The following RBMS1 variants were observed in gnomAD, a reference collection of about 807,000 sequenced individuals.
The protein encoded by RBMS1 is RNA binding motif single stranded interacting protein 1, also known as RNA-binding motif, single-stranded-interacting protein 1.
In RBMS1, 17 loss-of-function variants were observed where a neutral mutation model predicts 62.3. The observed-to-expected ratio is 0.27, with a 90% CI of 0.19 to 0.41. The LOEUF (loss-of-function observed/expected upper bound fraction) is 0.41, where lower values mean the gene tolerates loss of function less well. RBMS1 is among the 10% of genes least tolerant of loss of function. The probability of loss-of-function intolerance (pLI) is 1.00; values close to 1 mark genes in which losing one functional copy is unlikely to be tolerated. For synonymous variants in RBMS1, 172 were observed against 170.0 expected (o/e 1.01, Z -0.09); for missense variants, 334 against 504.5 (o/e 0.66, Z 3.24).
chr2:160,403,309 C>T (rs1216444147), intron 1 of RBMS1, among the ~76,000 whole-genome samples: 1 of 152,230 alleles, frequency 6.6e-6, no homozygotes, highest in Non-Finnish European at 1.5e-5. Context: ...AAGACGTTTA[C>T]TTTCTTTAAA....
At chr2:160,426,258 A>AAAGG (rs1682578946) in intron 1 of RBMS1, among the ~76,000 whole-genome samples, 2 of 124,992 alleles carry the variant, frequency 1.6e-5, no homozygotes, top group Admixed American at 1.7e-4. Context: ...AGAAAGAAAG[A>AAAGG]AAGAAAGAAA....
At chr2:160,373,326 A>C (rs1190505647) in intron 1 of RBMS1, among the ~76,000 whole-genome samples, 1 of 152,140 alleles carries the variant, frequency 6.6e-6, no homozygotes, top group Non-Finnish European at 1.5e-5. Context: ...ATAAACCATC[A>C]TTTTCTTATG....
chr2:160,476,800 C>T (rs988235817), intron 1 of RBMS1, among the ~76,000 whole-genome samples: 35 of 151,990 alleles, frequency 2.3e-4, no homozygotes, highest in African/African-American at 8.0e-4. Context: ...GTGATCCGCC[C>T]GCCTCGGCCT....
chr2:160,467,047 G>A lies in RBMS1; in HGVS notation c.75+26242C>T, dbSNP rs1012085263. On this transcript the variant is annotated intron_variant, in intron 1 of 13. Coordinates refer to ENST00000348849, the MANE Select transcript of RBMS1 (RefSeq NM_016836.4). ...TTGTCTCTTTTCCCAAACAAGATGCGAATTATCCAGGGAGAGAGCATTAGG... is the reference window on the plus strand; with the variant it reads ...TTGTCTCTTTTCCCAAACAAGATGCAAATTATCCAGGGAGAGAGCATTAGG... Among the ~76,000 whole-genome samples, 13 of 152,224 alleles carry A rather than the reference G, an allele frequency of 8.5e-5. 1 individual carries two copies. Among genetic ancestry groups the A allele is most frequent in the East Asian group, 1.9e-4 (1 of 5,178 alleles).
intron 1 of RBMS1, among the ~76,000 whole-genome samples, chr2:160,429,762 T>C (rs1039878010): frequency 2.0e-5 from 3 of 152,234 alleles, no homozygotes; most frequent in Non-Finnish European, 2.9e-5. Context: ...ATAACTGTGG[T>C]AGACATTTCC....
chr2:160,424,364 T>A (rs866627311), intron 1 of RBMS1, among the ~76,000 whole-genome samples: 1 of 81,570 alleles, frequency 1.2e-5, no homozygotes. Context: ...AGGTGAGAGA[T>A]TGGGGGGGGG....
intron 1 of RBMS1, among the ~76,000 whole-genome samples, chr2:160,448,867 G>A (rs1683803744): frequency 2.6e-5 from 4 of 151,620 alleles, no homozygotes; most frequent in South Asian, 2.1e-4. Flanking sequence ...CTGCCTGGCC[G>A]CCCATCGTCT....
In RBMS1 at chr2:160,332,821, T is replaced by C. The variant is rs1401369670; in HGVS notation, c.252-14594A>G. Among the ~76,000 whole-genome samples the C allele has an allele frequency of 2.6e-5, 4 of 151,222 alleles. No homozygotes were observed. In the East Asian group the frequency reaches 7.7e-4, roughly 29 times the overall value. ...CATGGAACCAGAAAGCTTCTTTACA[T>C]GACATGGTTTTATATATATATATAA... On this transcript the variant is annotated intron_variant, in intron 2 of 13. Coordinates refer to ENST00000348849, the MANE Select transcript of RBMS1 (RefSeq NM_016836.4).
At chr2:160,320,240 G>A (rs765614013) in intron 2 of RBMS1, among the ~76,000 whole-genome samples, 3 of 152,166 alleles carry the variant, frequency 2.0e-5, no homozygotes, top group Non-Finnish European at 4.4e-5. Context: ...GGCCAAAGCC[G>A]GCGGATGGCT....
intron 1 of RBMS1, among the ~76,000 whole-genome samples, chr2:160,390,688 C>CAAAAAA (rs34478081): frequency 1.6e-5 from 1 of 60,628 alleles, no homozygotes. Flanking sequence ...GACCCAGTCT[C>CAAAAAA]AAAAAAAAAA....
At chr2:160,395,481 G>A (rs954555832) in intron 1 of RBMS1, among the ~76,000 whole-genome samples, 36 of 151,984 alleles carry the variant, frequency 2.4e-4, no homozygotes, top group African/African-American at 3.6e-4. Context: ...AAAATTAGCC[G>A]GGCGTGGTGG....
At chr2:160,381,240 T>A (rs112527794) in intron 1 of RBMS1, among the ~76,000 whole-genome samples, 1 of 152,170 alleles carries the variant, frequency 6.6e-6, no homozygotes, top group Non-Finnish European at 1.5e-5. Flanking sequence ...TTTCCCTTAA[T>A]AGGGGGATAG....
intron 1 of RBMS1, among the ~76,000 whole-genome samples, chr2:160,388,502 G>A (rs1288459060): frequency 2.6e-5 from 4 of 152,116 alleles, no homozygotes; most frequent in South Asian, 2.1e-4. Flanking sequence ...GCTACTCCAC[G>A]GGATTCCACA....
intron 6 of RBMS1, among the ~76,000 whole-genome samples, chr2:160,296,759 T>C (rs1688954397): frequency 6.6e-6 from 1 of 152,208 alleles, no homozygotes. Context: ...ATCTATTAAC[T>C]TCAGTGTGTA....
At chr2:160,493,138 C>T in intron 1 of RBMS1, 151 bp downstream of exon 1, 2 of 744,340 alleles carry the variant, frequency 2.7e-6, no homozygotes, top group Non-Finnish European at 4.2e-6. Context: ...CCGCCCGGCT[C>T]TGCCCAGGCC....
chr2:160,349,983 G>A (rs905119523), intron 2 of RBMS1, among the ~76,000 whole-genome samples: 2 of 151,952 alleles, frequency 1.3e-5, no homozygotes, highest in African/African-American at 4.8e-5. Context: ...ATCCAGGGGA[G>A]GAGCAGTGCA....
At chr2:160,380,339 C>T (rs1694217135) in intron 1 of RBMS1, among the ~76,000 whole-genome samples, 1 of 152,020 alleles carries the variant, frequency 6.6e-6, no homozygotes, top group Admixed American at 6.5e-5. Context: ...CAGACTAGAG[C>T]CCAAACATGG....
chr2:160,437,454 G>T (rs530046181), intron 1 of RBMS1, among the ~76,000 whole-genome samples: 1 of 152,324 alleles, frequency 6.6e-6, no homozygotes, highest in South Asian at 2.1e-4. Context: ...TGCCAGTTCT[G>T]TCAGAAATGT....
At chr2:160,275,786 T>C in intron 12 of RBMS1, 72 bp from the exon 13 acceptor site, 1 of 1,600,888 alleles carries the variant, frequency 6.2e-7, no homozygotes, top group Admixed American at 1.7e-5. Flanking sequence ...TAGGCCTGAC[T>C]GAATCCAACA....
Sources: allele counts gnomAD v4.1 joint callset (sites outside exome capture counted in the v4.1 genomes callset), GRCh38; gene constraint gnomAD v4.1.1; transcripts MANE v1.5; gene names NCBI Gene and HGNC (gene_info 2026-07-23, HGNC 2026-07-21).